PATJ: variants seen among roughly 807,000 people sequenced by gnomAD.
PATJ encodes the protein inaD-like protein.
PATJ carries 190 observed loss-of-function variants against 224.9 expected under a neutral mutation model. The ratio of observed to expected loss-of-function variants is 0.84; its 90% CI spans 0.75 to 0.95. PATJ has a LOEUF of 0.95. PATJ is among the 40% of genes least tolerant of loss of function. The pLI, the probability that PATJ is intolerant of heterozygous loss-of-function variation, is 0.00. For synonymous variants in PATJ, 769 were observed against 820.3 expected (o/e 0.94, Z 1.07); for missense variants, 2,121 against 2,270.3 (o/e 0.93, Z 1.34).
intron 25 of PATJ, among the ~76,000 whole-genome samples, chr1:61,914,370 C>T (rs528402914): frequency 1.1e-4 from 16 of 152,200 alleles, no homozygotes; most frequent in East Asian, 3.9e-4. Flanking sequence ...GCTGGAGAAG[C>T]GCTTGAACCC....
intron 28 of PATJ, among the ~76,000 whole-genome samples, chr1:62,006,563 A>G (rs1646107958): frequency 6.6e-6 from 1 of 152,260 alleles, no homozygotes; most frequent in African/African-American, 2.4e-5. Flanking sequence ...TAGTATAACA[A>G]AAGGATTTGA....
intron 33 of PATJ, among the ~76,000 whole-genome samples, chr1:62,106,412 A>C (rs1313415173): frequency 1.3e-5 from 2 of 151,212 alleles, no homozygotes; most frequent in African/African-American, 4.9e-5. Context: ...TCGAAGCTGC[A>C]GTGAGCTATG....
chr1:62,010,124 G>C (rs1646354219), intron 28 of PATJ, among the ~76,000 whole-genome samples: 1 of 149,470 alleles, frequency 6.7e-6, no homozygotes, highest in South Asian at 2.1e-4. Context: ...CAGTTTCTTT[G>C]CTCATCCATA....
In PATJ at chr1:61,913,357, C is replaced by T. The variant is rs142840477; in HGVS notation, c.3493-1230C>T. Among the ~76,000 whole-genome samples the T allele has an allele frequency of 3.9e-4, 59 of 152,270 alleles. No individual in the cohort carries two copies. In the South Asian group the frequency reaches 6.0e-3, roughly 16 times the overall value. On this transcript the variant is annotated intron_variant, in intron 25 of 43. Transcript: ENST00000642238. ...ACAAGTATCTGGGATTACAGGCGCA[C>T]GCCAACACACCCAGCTAATTTGTAA...
chr1:61,854,124 A>G (rs1196351265), intron 17 of PATJ, among the ~76,000 whole-genome samples: 1 of 152,238 alleles, frequency 6.6e-6, no homozygotes, highest in African/African-American at 2.4e-5. Context: ...AAACTTCAAA[A>G]GAATCATCAG....
At chr1:61,958,990 A>G (rs1000812723) in intron 27 of PATJ, among the ~76,000 whole-genome samples, 1 of 152,180 alleles carries the variant, frequency 6.6e-6, no homozygotes, top group African/African-American at 2.4e-5. Flanking sequence ...CTGTCAGTCC[A>G]TAAAGAGTCC....
intron 14 of PATJ, among the ~76,000 whole-genome samples, chr1:61,820,593 TG>T (rs1368199445): frequency 6.6e-6 from 1 of 151,818 alleles, no homozygotes; most frequent in Non-Finnish European, 1.5e-5. Flanking sequence ...CTGCCCGCCT[TG>T]GCCTCCCAAA....
intron 17 of PATJ, among the ~76,000 whole-genome samples, chr1:61,854,605 T>G (rs1184939926): frequency 1.3e-5 from 2 of 152,230 alleles, no homozygotes; most frequent in Non-Finnish European, 2.9e-5. Flanking sequence ...CTGGTTGGAT[T>G]CTGGCTATGC....
chr1:62,064,327 CT>C (rs201359731), intron 31 of PATJ, among the ~76,000 whole-genome samples: 5,790 of 135,624 alleles, frequency 0.043, 157 homozygotes, highest in East Asian at 0.15. Flanking sequence ...AGCCATAATG[CT>C]TTTTTTTTTT....
At chr1:61,839,361 T>C (rs1039745999) in intron 17 of PATJ, among the ~76,000 whole-genome samples, 2 of 152,188 alleles carry the variant, frequency 1.3e-5, no homozygotes, top group African/African-American at 2.4e-5. Context: ...TAAAAATTAA[T>C]ATAGTGTGCT....
intron 41 of PATJ, among the ~76,000 whole-genome samples, chr1:62,136,263 C>T (rs2148976508): frequency 6.6e-6 from 1 of 151,676 alleles, no homozygotes; most frequent in East Asian, 1.9e-4. Context: ...AACTCCTGAC[C>T]TCAAGTGATC....
intron 28 of PATJ, among the ~76,000 whole-genome samples, chr1:62,002,370 G>T (rs1239068714): frequency 6.6e-6 from 1 of 152,132 alleles, no homozygotes; most frequent in South Asian, 2.1e-4. Context: ...ATGTAATCCT[G>T]CCCCTACAGG....
intron 1 of PATJ, among the ~76,000 whole-genome samples, chr1:61,747,035 C>T (rs1289564986): frequency 6.6e-6 from 1 of 152,172 alleles, no homozygotes; most frequent in Non-Finnish European, 1.5e-5. Flanking sequence ...AATTTACTTG[C>T]TTTGTTAAAG....
At chr1:61,997,982 T>TTTTATATATATTTA (rs374175697) in intron 28 of PATJ, among the ~76,000 whole-genome samples, 1 of 118,338 alleles carries the variant, frequency 8.5e-6, no homozygotes, top group East Asian at 2.2e-4. Flanking sequence ...TGTGCCCAGC[T>TTTTATATATATTTA]TATATATGTA....
intron 11 of PATJ, among the ~76,000 whole-genome samples, chr1:61,799,819 C>T (rs907680210): frequency 3.3e-5 from 5 of 152,074 alleles, no homozygotes; most frequent in Admixed American, 1.3e-4. Flanking sequence ...TTCCTGTTTC[C>T]GAGTCATTTC....
intron 20 of PATJ, 109 bp downstream of exon 20, chr1:61,864,742 G>GT: frequency 1.1e-6 from 1 of 943,952 alleles, no homozygotes; most frequent in South Asian, 1.8e-5. Context: ...GGGCCTTTCC[G>GT]TAAGTCGTCA....
At chr1:61,827,132 A>T (rs1457531911) in intron 15 of PATJ, among the ~76,000 whole-genome samples, 1 of 152,104 alleles carries the variant, frequency 6.6e-6, no homozygotes, top group Non-Finnish European at 1.5e-5. Flanking sequence ...AGTGCTGCAA[A>T]AAATTTGGTA....
intron 38 of PATJ, among the ~76,000 whole-genome samples, chr1:62,122,244 A>C (rs980951703): frequency 6.6e-6 from 1 of 151,660 alleles, no homozygotes; most frequent in Non-Finnish European, 1.5e-5. Context: ...ACATGCCTAT[A>C]ATCCCAGCTA....
chr1:62,116,482 A>T, intron 35 of PATJ, 50 bp from the exon 36 acceptor site: 1 of 1,600,362 alleles, frequency 6.2e-7, no homozygotes, highest in East Asian at 2.2e-5. Flanking sequence ...CGTATTATGC[A>T]TGGAAATATT....
Sources: allele counts gnomAD v4.1 joint callset (sites outside exome capture counted in the v4.1 genomes callset), GRCh38; gene constraint gnomAD v4.1.1; transcripts MANE v1.5; gene names NCBI Gene and HGNC (gene_info 2026-07-23, HGNC 2026-07-21).